The following SH3BGRL2 variants were observed in gnomAD, a reference collection of about 807,000 sequenced individuals.
The protein encoded by SH3BGRL2 is SH3 domain-binding glutamic acid-rich-like protein 2.
In SH3BGRL2, 21 loss-of-function variants were observed where a neutral mutation model predicts 14.8. The ratio of observed to expected loss-of-function variants is 1.42; its 90% CI spans 1.01 to 2.05. The LOEUF (loss-of-function observed/expected upper bound fraction) is 2.05. Ranked by LOEUF, SH3BGRL2 falls within the 30% of genes most tolerant of loss-of-function variation. SH3BGRL2 has a pLI of 0.00. For missense variants in SH3BGRL2, 147 were observed against 130.8 expected, an observed-to-expected ratio of 1.12 and a Z score of -0.61; for synonymous variants, 50 against 47.8, an observed-to-expected ratio of 1.05 and a Z score of -0.19.
Position 79,703,640 on chromosome 6 carries a change from A to C in SH3BGRL2, c.*4131A>C, listed in dbSNP as rs1278934566. ...TGTATGTATCCTTAAAGAATAATAA[A>C]TGGAATTAAACTGAATGTATTCTTC... On this transcript the variant is annotated 3_prime_UTR_variant, in exon 4 of 4. Transcript: ENST00000369838. 1 of 152,120 alleles carries C rather than the reference A, an allele frequency of 6.6e-6. No homozygotes were observed. Among genetic ancestry groups the C allele is most frequent in the Non-Finnish European group, 1.5e-5 (1 of 68,028 alleles). 9.4% of individuals were successfully genotyped at this position (152,120 alleles called of 1,614,324 possible). A position where few individuals can be genotyped will look rare whatever the true frequency, so the allele number is the denominator to read the frequency against.
the SH3BGRL2 span, among the ~76,000 whole-genome samples, chr6:79,587,533 A>G: frequency 2.6e-5 from 4 of 152,244 alleles, no homozygotes; most frequent in African/African-American, 7.2e-5. Context: ...TAATTTCAAC[A>G]AAGTAGAACA....
chr6:79,646,843 A>G (rs1211853559), intron 1 of SH3BGRL2, among the ~76,000 whole-genome samples: 1 of 152,216 alleles, frequency 6.6e-6, no homozygotes, highest in African/African-American at 2.4e-5. Flanking sequence ...TTTAAGGTTC[A>G]TTCATGTTGT....
intron 1 of SH3BGRL2, among the ~76,000 whole-genome samples, chr6:79,642,602 G>A (rs1212278688): frequency 6.6e-6 from 1 of 152,136 alleles, no homozygotes; most frequent in African/African-American, 2.4e-5. Context: ...ACCAGAGAGA[G>A]GATCAGGACT....
the SH3BGRL2 span, among the ~76,000 whole-genome samples, chr6:79,583,572 A>C: frequency 6.6e-6 from 1 of 152,176 alleles, no homozygotes; most frequent in African/African-American, 2.4e-5. Context: ...ATAGGTGGGA[A>C]TTGAAGAATG....
At chr6:79,542,514 C>G in the SH3BGRL2 span, among the ~76,000 whole-genome samples, 1 of 152,168 alleles carries the variant, frequency 6.6e-6, no homozygotes, top group Non-Finnish European at 1.5e-5. Context: ...GGTGATCCAC[C>G]CGCCTTGGCC....
At chr6:79,608,757 C>T in the SH3BGRL2 span, among the ~76,000 whole-genome samples, 5 of 152,172 alleles carry the variant, frequency 3.3e-5, no homozygotes, top group Non-Finnish European at 7.3e-5. Context: ...TGAGAACCCC[C>T]TGGAATGTTT....
Position 79,665,270 on chromosome 6 carries a change from G to A in SH3BGRL2, c.46-8344G>A, listed in dbSNP as rs147018075. Among the ~76,000 whole-genome samples, 90 of 152,260 alleles carry A rather than the reference G, an allele frequency of 5.9e-4. 2 individuals are homozygous for A. The East Asian group carries it at 0.017, about 29-fold the overall frequency. On this transcript the variant is annotated intron_variant, in intron 1 of 3. Coordinates refer to ENST00000369838, the MANE Select transcript of SH3BGRL2 (RefSeq NM_031469.4). ...TTTACAACACACCTAAATCTCCAAT[G>A]TTAGAATAATGTTTAAATACATTAG...
chr6:79,670,894 G>A (rs1207150228), intron 1 of SH3BGRL2, among the ~76,000 whole-genome samples: 5 of 152,164 alleles, frequency 3.3e-5, no homozygotes, highest in Non-Finnish European at 1.5e-5. Context: ...GCAAAAGCCT[G>A]CTTTGTGTTT....
chr6:79,538,846 A>G, the SH3BGRL2 span, among the ~76,000 whole-genome samples: 10 of 152,354 alleles, frequency 6.6e-5, no homozygotes, highest in African/African-American at 1.9e-4. Context: ...CCAGACAGGT[A>G]TTGTTATTCA....
At chr6:79,648,343 A>AAT (rs761993154) in intron 1 of SH3BGRL2, among the ~76,000 whole-genome samples, 6 of 140,378 alleles carry the variant, frequency 4.3e-5, no homozygotes, top group Non-Finnish European at 9.1e-5. Context: ...TTATATATAT[A>AAT]ATATATATAT....
intron 1 of SH3BGRL2, among the ~76,000 whole-genome samples, chr6:79,651,003 A>T (rs899512487): frequency 1.3e-5 from 2 of 151,650 alleles, no homozygotes; most frequent in Non-Finnish European, 2.9e-5. Flanking sequence ...CCTGTTCTTT[A>T]TTATTTTTCA....
chr6:79,595,982 G>C, the SH3BGRL2 span, among the ~76,000 whole-genome samples: 2 of 152,010 alleles, frequency 1.3e-5, no homozygotes, highest in African/African-American at 2.4e-5. Context: ...CTAGGTTGTA[G>C]GACACAGATC....
At chr6:79,598,295 C>T in the SH3BGRL2 span, among the ~76,000 whole-genome samples, 2 of 152,038 alleles carry the variant, frequency 1.3e-5, no homozygotes, top group African/African-American at 4.8e-5. Flanking sequence ...TGTACATGAA[C>T]GTTCATGGCA....
chr6:79,658,788 A>G (rs1029905853), intron 1 of SH3BGRL2, among the ~76,000 whole-genome samples: 1 of 152,164 alleles, frequency 6.6e-6, no homozygotes, highest in Non-Finnish European at 1.5e-5. Flanking sequence ...ATTTCTCCAT[A>G]TCCTCTCCAG....
intron 1 of SH3BGRL2, among the ~76,000 whole-genome samples, chr6:79,657,564 A>G (rs908220812): frequency 1.3e-5 from 2 of 152,200 alleles, no homozygotes; most frequent in African/African-American, 4.8e-5. Flanking sequence ...CATAGTTTTG[A>G]GAAATAAAGT....
chr6:79,652,303 T>C (rs1173536752), intron 1 of SH3BGRL2, among the ~76,000 whole-genome samples: 3 of 152,222 alleles, frequency 2.0e-5, no homozygotes, highest in Admixed American at 2.0e-4. Context: ...GGTAATCATT[T>C]AGAAACTTTT....
chr6:79,548,266 A>G, the SH3BGRL2 span, among the ~76,000 whole-genome samples: 6 of 152,194 alleles, frequency 3.9e-5, no homozygotes, highest in Admixed American at 3.9e-4. Context: ...GTAGGTTTAT[A>G]TTTCCATTAT....
chr6:79,539,079 G>A, the SH3BGRL2 span, among the ~76,000 whole-genome samples: 1 of 152,110 alleles, frequency 6.6e-6, no homozygotes. Flanking sequence ...CTAGTTGTGT[G>A]TAACATAGTC....
At chr6:79,625,878 C>T in the SH3BGRL2 span, among the ~76,000 whole-genome samples, 1 of 152,168 alleles carries the variant, frequency 6.6e-6, no homozygotes, top group Non-Finnish European at 1.5e-5. Flanking sequence ...CATTCCTTAA[C>T]CCCTCTGGCC....
Sources: gnomAD v4.1 joint callset for allele counts (sites outside exome capture counted in the v4.1 genomes callset) on GRCh38, gnomAD v4.1.1 for gene constraint, MANE v1.5 for transcripts, NCBI Gene and HGNC (gene_info 2026-07-23, HGNC 2026-07-21) for gene names.